CEP95: variants seen among roughly 807,000 people sequenced by gnomAD.
CEP95 encodes centrosomal protein 95.
Under a neutral mutation model 111.2 loss-of-function variants are expected in CEP95, and 98 were observed. That is an observed-to-expected ratio of 0.88 (90% CI 0.75 to 1.04). CEP95 has a LOEUF of 1.04. CEP95 is among the 50% of genes least tolerant of loss of function. The pLI, the probability that CEP95 is intolerant of heterozygous loss-of-function variation, is 0.00. For missense variants in CEP95, 1,027 were observed against 977.2 expected, an observed-to-expected ratio of 1.05 and a Z score of -0.68; for synonymous variants, 323 against 327.1, an observed-to-expected ratio of 0.99 and a Z score of 0.14.
At chr17:64,506,881 A>G (rs1555673035), upstream of CEP95, 3 of 645,214 alleles carry the variant, frequency 4.6e-6, no homozygotes, top group East Asian at 2.7e-5. Flanking sequence ...AACTTCCCAA[A>G]CCGCCCCCGT....
chr17:64,522,683 CTTTAA>C lies in CEP95; in HGVS notation c.716-15_716-11del, dbSNP rs781911593. ...TCTTAGAATTGCATCGTAATATCCA[CTTTAA>C]TTTGTCTTACTAGCGGAAACCCTTT... On this transcript the variant is annotated splice_polypyrimidine_tract_variant and intron_variant, in intron 7 of 19. Coordinates refer to ENST00000556440, the MANE Select transcript of CEP95 (RefSeq NM_138363.3). The C allele has an allele frequency of 2.5e-6, 4 of 1,595,722 alleles. No homozygotes were observed. The highest frequency in any genetic ancestry group is 1.7e-5 in the Admixed American group (1 of 58,594).
intron 8 of CEP95, among the ~76,000 whole-genome samples, chr17:64,524,287 G>T (rs1186182603): frequency 2.0e-5 from 3 of 152,030 alleles, no homozygotes; most frequent in Non-Finnish European, 2.9e-5. Context: ...TTATATTTTA[G>T]TTGCTATTTA....
intron 4 of CEP95, among the ~76,000 whole-genome samples, chr17:64,515,524 C>G (rs1229083164): frequency 1.3e-5 from 2 of 152,080 alleles, no homozygotes; most frequent in Non-Finnish European, 2.9e-5. Context: ...AATGATATGG[C>G]AGTGGGGATG....
intron 7 of CEP95, 70 bp downstream of exon 7, chr17:64,521,597 C>G: frequency 6.9e-7 from 1 of 1,444,982 alleles, no homozygotes; most frequent in Non-Finnish European, 9.4e-7. Flanking sequence ...TTGCCATTAG[C>G]CTTTTTACTT....
chr17:64,531,767 A>T, intron 13 of CEP95, 123 bp from the exon 14 acceptor site: 1 of 624,160 alleles, frequency 1.6e-6, no homozygotes. Context: ...GGTTTGGCTT[A>T]CTGTTAGCTA....
At chr17:64,535,270 G>C (rs1555681317) in intron 17 of CEP95, 1 of 163,416 alleles carries the variant, frequency 6.1e-6, no homozygotes, top group African/African-American at 2.4e-5. Flanking sequence ...AGGCTTTGAG[G>C]AGAGCGTAAG....
intron 3 of CEP95, 57 bp from the exon 4 acceptor site, chr17:64,514,191 A>G (rs1242462632): frequency 2.9e-6 from 2 of 697,702 alleles, no homozygotes; most frequent in Middle Eastern, 3.6e-4. Context: ...TTTCAAGATT[A>G]TGAAGCTTTC....
intron 1 of CEP95, chr17:64,507,372 T>C: frequency 7.1e-7 from 1 of 1,405,840 alleles, no homozygotes. Flanking sequence ...GTCCTGGCTG[T>C]AAAAAGAGCG....
In CEP95 at chr17:64,522,764, G is replaced by A. The variant is rs1555678190; in HGVS notation, c.778G>A (p.Ala260Thr). 2.5e-6 allele frequency: 4 copies of A among 1,613,788 alleles called. No homozygotes were observed. The African/African-American group carries it at 4.0e-5, about 16-fold the overall frequency. The change falls in exon 8 of 20, where the codon GCT becomes ACT. Residue 260 changes from alanine to threonine, a missense_variant. Physicochemically the swap from Ala to Thr is moderately conservative, Grantham distance 58. Transcript: ENST00000556440. The stretch of plus-strand genomic sequence containing the variant: ...GAAGCTAGGGGAGCCTATCCGAGCA[G>A]CTATTCCTTTACATCCACCCTACCA... ...ARKLGEPIRA[A>T]IPLHPPYHPS...
chr17:64,518,633 G>A (rs1555676962), intron 5 of CEP95, among the ~76,000 whole-genome samples: 1 of 152,108 alleles, frequency 6.6e-6, no homozygotes. Flanking sequence ...TCTTTTTTAG[G>A]TATAGTACAT....
At chr17:64,532,654 T>A in intron 14 of CEP95, 185 bp from the exon 15 acceptor site, 1 of 1,408,198 alleles carries the variant, frequency 7.1e-7, no homozygotes, top group East Asian at 2.7e-5. Context: ...TGAGCTTATT[T>A]TTATCCTTAC....
At chr17:64,528,511 T>A (rs1968032287) in intron 11 of CEP95, among the ~76,000 whole-genome samples, 4 of 152,288 alleles carry the variant, frequency 2.6e-5, no homozygotes, top group African/African-American at 7.2e-5. Flanking sequence ...TAGAGAAAAA[T>A]ACATCATGAG....
rs199827345 is a variant in CEP95 at position 64,534,614 on chromosome 17, A to G, written c.1947A>G (p.Gln649=). The G allele has an allele frequency of 9.3e-6, 15 of 1,613,930 alleles. No individual in the cohort carries two copies. In the South Asian group the frequency reaches 9.9e-5, roughly 11 times the overall value. ...ACTTCAAGGACTGCATTCGTAGGCA[A>G]AGGTTGACCCAATCAAAGATAAAAG... ...LQDFKDCIRR[Q]RLTQSKIKEN... is the part of the protein sequence containing the mutation. The change falls in exon 17 of 20, where the codon CAA becomes CAG. Residue 649 remains glutamine (Q), a synonymous_variant. Coordinates refer to ENST00000556440, the MANE Select transcript of CEP95 (RefSeq NM_138363.3).
intron 5 of CEP95, among the ~76,000 whole-genome samples, chr17:64,517,940 A>G (rs890474091): frequency 3.3e-5 from 5 of 151,990 alleles, no homozygotes; most frequent in Non-Finnish European, 5.9e-5. Context: ...GCAGTGGCAC[A>G]ATCTCAGCTT....
rs782668950 is a variant in CEP95, at chr17:64,525,801, A to G, written c.941A>G (p.Lys314Arg). 1 of 1,607,184 alleles carries G rather than the reference A, an allele frequency of 6.2e-7. No individual in the cohort carries two copies. The highest frequency in any genetic ancestry group is 1.1e-5 in the South Asian group (1 of 89,590). The change falls in exon 9 of 20, where the codon AAG becomes AGG. Residue 314 changes from lysine to arginine, a missense_variant. Transcript: ENST00000556440. ...GATGATGGACTTTTCTTAATTTCCA[A>G]GTTGCCTAAAGGCAGCAAATGGGAA... ...DLDDGLFLIS[K>R]LPKGSKWEVY...
chr17:64,526,982 C>T (rs1555679229), intron 10 of CEP95, 129 bp from the exon 11 acceptor site: 2 of 639,134 alleles, frequency 3.1e-6, no homozygotes, highest in African/African-American at 3.7e-5. Context: ...AATAATTAAA[C>T]ATGCATAAGC....
At chr17:64,514,188 A>G (rs2039027825) in intron 3 of CEP95, 60 bp from the exon 4 acceptor site, 2 of 690,096 alleles carry the variant, frequency 2.9e-6, no homozygotes, top group Non-Finnish European at 5.1e-6. Context: ...AAGTTTCAAG[A>G]TTATGAAGCT....
Position 64,532,856 on chromosome 17 carries a change from A to G in CEP95, c.1690A>G (p.Ser564Gly), listed in dbSNP as rs372672055. ...KAVPMKVSEH[S>G]LLPLMLEQFP... ...CCTTGCAGTGAAAGTAAGTGAACACAGTCTCCTGCCCCTTATGCTGGAGCA... is the reference window on the plus strand; with the variant it reads ...CCTTGCAGTGAAAGTAAGTGAACACGGTCTCCTGCCCCTTATGCTGGAGCA... The change falls in exon 15 of 20, where the codon AGT becomes GGT. Residue 564 changes from serine (S) to glycine (G), a missense_variant. Ser to Gly is a moderately conservative substitution (Grantham distance 56). Transcript: ENST00000556440. The G allele has an allele frequency of 1.9e-6, 3 of 1,608,696 alleles. No individual in the cohort carries two copies. The highest frequency in any genetic ancestry group is 2.7e-5 in the African/African-American group (2 of 74,540).
intron 8 of CEP95, among the ~76,000 whole-genome samples, 163 bp from the exon 9 acceptor site, chr17:64,525,607 T>C (rs905114243): frequency 1.3e-5 from 2 of 152,262 alleles, no homozygotes; most frequent in Non-Finnish European, 2.9e-5. Flanking sequence ...TCCAGTCCTT[T>C]GGTGCACTGG....
Sources: gnomAD v4.1 joint callset for allele counts (sites outside exome capture counted in the v4.1 genomes callset) on GRCh38, gnomAD v4.1.1 for gene constraint, MANE v1.5 for transcripts, NCBI Gene and HGNC (gene_info 2026-07-23, HGNC 2026-07-21) for gene names.